The following AGBL4 variants were observed in gnomAD, a reference collection of about 807,000 sequenced individuals.
AGBL4 encodes the protein cytosolic carboxypeptidase 6.
Under a neutral mutation model 66.4 loss-of-function variants are expected in AGBL4, and 58 were observed. The ratio of observed to expected loss-of-function variants is 0.87; its 90% CI spans 0.71 to 1.09. The LOEUF (loss-of-function observed/expected upper bound fraction) is 1.09. Ranked by LOEUF, AGBL4 falls within the 50% of genes least tolerant of loss-of-function variation. AGBL4 has a pLI of 0.00. For missense variants in AGBL4, 579 were observed against 631.0 expected, an observed-to-expected ratio of 0.92 and a Z score of 0.88; for synonymous variants, 234 against 222.9, an observed-to-expected ratio of 1.05 and a Z score of -0.44.
At chr1:48,954,251 T>G (rs1657245513) in intron 5 of AGBL4, among the ~76,000 whole-genome samples, 1 of 152,188 alleles carries the variant, frequency 6.6e-6, no homozygotes, top group Admixed American at 6.5e-5. Flanking sequence ...TCAGGTTCCC[T>G]CATCCCAGAT....
chr1:49,150,730 T>C (rs2148118365), intron 4 of AGBL4, among the ~76,000 whole-genome samples: 1 of 152,306 alleles, frequency 6.6e-6, no homozygotes, highest in South Asian at 2.1e-4. Flanking sequence ...GCAACATCAC[T>C]TCCTCCAGGC....
At chr1:49,829,351 A>G (rs1645596203) in intron 2 of AGBL4, among the ~76,000 whole-genome samples, 1 of 152,172 alleles carries the variant, frequency 6.6e-6, no homozygotes, top group Admixed American at 6.5e-5. Flanking sequence ...AGACAGGGGG[A>G]GAATGAAGAT....
intron 12 of AGBL4, among the ~76,000 whole-genome samples, chr1:48,535,849 G>T (rs1643962692): frequency 6.6e-6 from 1 of 152,066 alleles, no homozygotes; most frequent in Admixed American, 6.6e-5. Flanking sequence ...TTAGTGTGAA[G>T]GGGTTGAAGT....
At chr1:49,622,910 G>A (rs966688421) in intron 3 of AGBL4, among the ~76,000 whole-genome samples, 2 of 151,914 alleles carry the variant, frequency 1.3e-5, no homozygotes, top group Admixed American at 6.6e-5. Flanking sequence ...TCCTGATCCA[G>A]TTCAAATGCA....
intron 3 of AGBL4, among the ~76,000 whole-genome samples, chr1:49,587,271 A>G (rs966305354): frequency 3.9e-5 from 6 of 152,000 alleles, no homozygotes; most frequent in Admixed American, 2.0e-4. Flanking sequence ...GAAAGAAAAG[A>G]AAAAAGAAAA....
At chr1:49,333,467 ACT>A (rs1645375537) in intron 3 of AGBL4, among the ~76,000 whole-genome samples, 1 of 152,184 alleles carries the variant, frequency 6.6e-6, no homozygotes, top group Non-Finnish European at 1.5e-5. Flanking sequence ...ACAGAGCGAG[ACT>A]CTGTCTCAAA....
chr1:49,935,301 A>G (rs1157077341), intron 1 of AGBL4, among the ~76,000 whole-genome samples: 1 of 152,242 alleles, frequency 6.6e-6, no homozygotes, highest in Non-Finnish European at 1.5e-5. Context: ...GCCATTGCCC[A>G]GGCTTGCTTA....
chr1:49,982,549 TG>T (rs1472466587), intron 1 of AGBL4, among the ~76,000 whole-genome samples: 1 of 152,158 alleles, frequency 6.6e-6, no homozygotes, highest in Non-Finnish European at 1.5e-5. Flanking sequence ...CAGAAAGGCT[TG>T]GGGCAGAAAG....
chr1:48,694,219 G>A lies in AGBL4; in HGVS notation c.635-30978C>T, dbSNP rs145879627. Among the ~76,000 whole-genome samples the A allele has an allele frequency of 2.0e-3, 309 of 152,220 alleles. 1 individual carries two copies. Among genetic ancestry groups the A allele is most frequent in the South Asian group, 0.011 (51 of 4,818 alleles). On this transcript the variant is annotated intron_variant, in intron 6 of 13. Transcript: ENST00000371839. Reference sequence around the variant, plus strand: ...ACCCCTTAGGAATCCTACAGCAGCAGAGAAACGGTGGTGGGTAGGAAAGGA... The same window carrying A: ...ACCCCTTAGGAATCCTACAGCAGCAAAGAAACGGTGGTGGGTAGGAAAGGA...
At chr1:49,415,152 C>T (rs1218230450) in intron 3 of AGBL4, among the ~76,000 whole-genome samples, 1 of 152,022 alleles carries the variant, frequency 6.6e-6, no homozygotes, top group Non-Finnish European at 1.5e-5. Flanking sequence ...TGTCTCTGTC[C>T]CTCTGCTCCG....
intron 11 of AGBL4, among the ~76,000 whole-genome samples, chr1:48,540,858 T>A (rs755402985): frequency 7.2e-5 from 11 of 152,112 alleles, no homozygotes; most frequent in Non-Finnish European, 1.6e-4. Flanking sequence ...CCTAACTAGT[T>A]TCCCTGCCAC....
intron 6 of AGBL4, among the ~76,000 whole-genome samples, chr1:48,810,237 T>C (rs1030253643): frequency 7.2e-5 from 11 of 152,216 alleles, no homozygotes; most frequent in Admixed American, 5.2e-4. Flanking sequence ...AAGTCCACAA[T>C]AGAGAGTTGG....
intron 3 of AGBL4, among the ~76,000 whole-genome samples, chr1:49,581,846 G>A (rs1469246798): frequency 6.6e-6 from 1 of 152,158 alleles, no homozygotes; most frequent in Admixed American, 6.5e-5. Context: ...GTCAATTGTA[G>A]TAGTGCTATA....
intron 1 of AGBL4, among the ~76,000 whole-genome samples, chr1:49,892,491 T>A (rs1648754748): frequency 6.6e-6 from 1 of 152,188 alleles, no homozygotes. Context: ...TTACCTAGTA[T>A]GTACTTCATT....
At chr1:49,334,132 TG>T (rs1453744497) in intron 3 of AGBL4, among the ~76,000 whole-genome samples, 1 of 152,170 alleles carries the variant, frequency 6.6e-6, no homozygotes, top group East Asian at 1.9e-4. Flanking sequence ...TCATACACAT[TG>T]TTTCCATTCC....
At chr1:49,944,428 A>T (rs957089812) in intron 1 of AGBL4, among the ~76,000 whole-genome samples, 1 of 152,050 alleles carries the variant, frequency 6.6e-6, no homozygotes. Context: ...GACCTGGTAG[A>T]CCTGCTGGTT....
chr1:48,725,921 C>T (rs1338838599), intron 6 of AGBL4, among the ~76,000 whole-genome samples: 1 of 152,176 alleles, frequency 6.6e-6, no homozygotes, highest in Non-Finnish European at 1.5e-5. Context: ...GCCTTCTACG[C>T]TAAGGATAAT....
intron 4 of AGBL4, among the ~76,000 whole-genome samples, chr1:49,115,664 G>A (rs1316549238): frequency 1.3e-5 from 2 of 152,108 alleles, no homozygotes; most frequent in East Asian, 3.9e-4. Flanking sequence ...TGGGATGAAT[G>A]AGACTTCCAA....
At chr1:49,844,163 G>C (rs1314100199) in intron 2 of AGBL4, among the ~76,000 whole-genome samples, 5 of 152,174 alleles carry the variant, frequency 3.3e-5, no homozygotes, top group African/African-American at 1.2e-4. Context: ...AAGCAGATAG[G>C]CTCCTTTACA....
Sources: allele counts gnomAD v4.1 joint callset (sites outside exome capture counted in the v4.1 genomes callset), GRCh38; gene constraint gnomAD v4.1.1; transcripts MANE v1.5; gene names NCBI Gene and HGNC (gene_info 2026-07-23, HGNC 2026-07-21).